The following SEMA5B variants were observed in gnomAD, a reference collection of about 807,000 sequenced individuals.
SEMA5B encodes the protein semaphorin-5B.
Under a neutral mutation model 135.0 loss-of-function variants are expected in SEMA5B, and 66 were observed. That is an observed-to-expected ratio of 0.49 (90% CI 0.40 to 0.60). SEMA5B has a LOEUF of 0.60. Among genes scored for constraint, SEMA5B ranks in the 20% least tolerant of loss-of-function variants. SEMA5B has a pLI of 0.00. For missense variants in SEMA5B, 1,501 were observed against 1,566.3 expected, an observed-to-expected ratio of 0.96 and a Z score of 0.70; for synonymous variants, 690 against 639.5, an observed-to-expected ratio of 1.08 and a Z score of -1.19.
chr3:123,004,379 G>A (rs1213452693), intron 1 of SEMA5B, among the ~76,000 whole-genome samples: 2 of 152,190 alleles, frequency 1.3e-5, no homozygotes, highest in Non-Finnish European at 2.9e-5. Flanking sequence ...GGGGCCATTT[G>A]GCGTAAGCAA....
At chr3:122,948,734 C>T (rs1247420329) in intron 2 of SEMA5B, 25 bp from the exon 3 acceptor site, 55 of 1,554,580 alleles carry the variant, frequency 3.5e-5, no homozygotes, top group Non-Finnish European at 4.5e-5. Flanking sequence ...CTCAGTCTCA[C>T]CAAGCGCTCC....
intron 1 of SEMA5B, among the ~76,000 whole-genome samples, chr3:123,022,644 G>T (rs1285502839): frequency 6.6e-6 from 1 of 152,212 alleles, no homozygotes; most frequent in Non-Finnish European, 1.5e-5. Context: ...CCTGTGCCCA[G>T]CAGCAAATTG....
chr3:123,021,039 C>A (rs1188915214), intron 1 of SEMA5B, among the ~76,000 whole-genome samples: 5 of 152,334 alleles, frequency 3.3e-5, no homozygotes, highest in Admixed American at 6.5e-5. Flanking sequence ...GCTCTTTAGA[C>A]CTTGCCTGTT....
chr3:122,910,387 G>A, intron 22 of SEMA5B, 86 bp from the exon 23 acceptor site: 1 of 1,420,108 alleles, frequency 7.0e-7, no homozygotes, highest in Non-Finnish European at 9.8e-7. Context: ...CCAGAAGCCA[G>A]CCGTGCAAGA....
chr3:122,941,168 C>G (rs900448509), intron 4 of SEMA5B, among the ~76,000 whole-genome samples: 1 of 152,030 alleles, frequency 6.6e-6, no homozygotes, highest in Non-Finnish European at 1.5e-5. Context: ...CAATGTCAGG[C>G]AGAAGAAAAG....
At chr3:122,910,676 G>T (rs1465016883) in intron 22 of SEMA5B, among the ~76,000 whole-genome samples, 164 bp downstream of exon 22, 1 of 151,420 alleles carries the variant, frequency 6.6e-6, no homozygotes, top group African/African-American at 2.4e-5. Flanking sequence ...CGGGCGTAGT[G>T]GCGGGCGCCT....
At chr3:122,936,972 T>A (rs1448239922) in intron 5 of SEMA5B, among the ~76,000 whole-genome samples, 1 of 152,282 alleles carries the variant, frequency 6.6e-6, no homozygotes, top group Non-Finnish European at 1.5e-5. Context: ...AAAAACTGTT[T>A]ACATTTAGAT....
chr3:122,924,509 G>A (rs9289210), intron 9 of SEMA5B, among the ~76,000 whole-genome samples: 77,971 of 152,012 alleles, frequency 0.51, 22,784 homozygotes, highest in Non-Finnish European at 0.67. Context: ...AGAGTGGTGA[G>A]CGTTTCAAAA....
chr3:122,913,817 C>T (rs200729550), intron 15 of SEMA5B, 41 bp downstream of exon 15: 17 of 1,568,876 alleles, frequency 1.1e-5, no homozygotes, highest in Non-Finnish European at 1.2e-5. Context: ...CTGGGGGGCC[C>T]GGTTAGTCTG....
intron 1 of SEMA5B, among the ~76,000 whole-genome samples, chr3:123,018,751 A>G (rs1942614544): frequency 6.6e-6 from 1 of 152,214 alleles, no homozygotes; most frequent in African/African-American, 2.4e-5. Context: ...TTCCAGTAGA[A>G]GTCAGACTGC....
chr3:122,976,886 C>T (rs1394875026), intron 1 of SEMA5B, among the ~76,000 whole-genome samples: 1 of 152,094 alleles, frequency 6.6e-6, no homozygotes, highest in Non-Finnish European at 1.5e-5. Flanking sequence ...CCGGTCTCTC[C>T]TAAAAATACA....
intron 1 of SEMA5B, among the ~76,000 whole-genome samples, chr3:122,995,752 C>T (rs1307415470): frequency 6.6e-6 from 1 of 152,228 alleles, no homozygotes; most frequent in Non-Finnish European, 1.5e-5. Context: ...GGCTGGGCTG[C>T]TGGTCTTCTC....
At chr3:123,025,761 G>C (rs544793873) in intron 1 of SEMA5B, among the ~76,000 whole-genome samples, 1 of 152,210 alleles carries the variant, frequency 6.6e-6, no homozygotes, top group Non-Finnish European at 1.5e-5. Context: ...GCCCAGAACA[G>C]TTCTCACCGC....
At chr3:123,018,786 T>C (rs1289382501) in intron 1 of SEMA5B, among the ~76,000 whole-genome samples, 1 of 152,196 alleles carries the variant, frequency 6.6e-6, no homozygotes, top group Non-Finnish European at 1.5e-5. Context: ...GACTATAGCA[T>C]GCCTCCCTGA....
At position 122,957,450 on chromosome 3, in the gene SEMA5B, G is replaced by A. The variant is rs118098525; in HGVS notation, c.124+3690C>T. On this transcript the variant is annotated intron_variant, in intron 2 of 22. Coordinates refer to ENST00000357599, the MANE Select transcript of SEMA5B (RefSeq NM_001031702.4). Reference sequence around the variant, plus strand: ...GGCCCACAGAGCTGCACCCAGGCAGGAGCAGCACGGCCACTCATACTGCGG... The same window carrying A: ...GGCCCACAGAGCTGCACCCAGGCAGAAGCAGCACGGCCACTCATACTGCGG... Among the ~76,000 whole-genome samples, 1,371 of 152,346 alleles carry A rather than the reference G, an allele frequency of 9.0e-3. 49 individuals are homozygous for A. The East Asian group carries it at 0.11, about 13-fold the overall frequency.
chr3:122,929,427 A>C (rs958560992), intron 5 of SEMA5B, among the ~76,000 whole-genome samples: 3 of 152,202 alleles, frequency 2.0e-5, no homozygotes, highest in Non-Finnish European at 2.9e-5. Context: ...CTGGGTGGGG[A>C]ATGCGCCTAT....
intron 5 of SEMA5B, among the ~76,000 whole-genome samples, chr3:122,936,413 G>A (rs1201016640): frequency 6.6e-6 from 1 of 152,168 alleles, no homozygotes; most frequent in South Asian, 2.1e-4. Context: ...TGAGCTTGGA[G>A]GACGTGGAGA....
At chr3:122,999,110 T>A (rs1346434938) in intron 1 of SEMA5B, among the ~76,000 whole-genome samples, 1 of 152,142 alleles carries the variant, frequency 6.6e-6, no homozygotes, top group Non-Finnish European at 1.5e-5. Context: ...TACACCACAT[T>A]CCTAAGGGAA....
intron 1 of SEMA5B, among the ~76,000 whole-genome samples, chr3:123,016,423 T>C (rs1458716186): frequency 6.6e-6 from 1 of 152,246 alleles, no homozygotes; most frequent in Non-Finnish European, 1.5e-5. Flanking sequence ...ACACACATCC[T>C]CCTGTATACT....
Sources: gnomAD v4.1 joint callset for allele counts (sites outside exome capture counted in the v4.1 genomes callset) on GRCh38, gnomAD v4.1.1 for gene constraint, MANE v1.5 for transcripts, NCBI Gene and HGNC (gene_info 2026-07-23, HGNC 2026-07-21) for gene names.